IQCH: variants seen among roughly 807,000 people sequenced by gnomAD.
The protein encoded by IQCH is IQ motif containing H.
Under a neutral mutation model 117.0 loss-of-function variants are expected in IQCH, and 98 were observed. The ratio of observed to expected loss-of-function variants is 0.84; its 90% confidence interval spans 0.71 to 0.99. IQCH has a LOEUF of 0.99. Among genes scored for constraint, IQCH ranks in the 50% least tolerant of loss-of-function variants. The probability of loss-of-function intolerance (pLI) is 0.00; values close to 1 mark genes in which losing one functional copy is unlikely to be tolerated. For missense variants in IQCH, 1,102 were observed against 1,243.8 expected (o/e 0.89, Z 1.72); for synonymous variants, 412 against 448.2 (o/e 0.92, Z 1.02).
rs376533486 is a variant in IQCH at position 67,395,561 on chromosome 15, C to G, written c.1903C>G (p.Gln635Glu). Residue 635 changes from glutamine (Q) to glutamate (E), a missense_variant and splice_region_variant, in exon 13 of 21, where the codon CAG becomes GAG. Gln to Glu is a conservative substitution (Grantham distance 29). Coordinates refer to ENST00000335894, the MANE Select transcript of IQCH (RefSeq NM_001031715.3). This position sits in a 1 kb window ranked among gnomAD's most constrained non-coding sequence, Gnocchi z 4.0. ...AATATATGATATTTATAGTCAGCAA[C>G]AGGTATGTGGGGTGGACAAGTGAAG... is the stretch of plus-strand genomic sequence containing the variant. Reference protein sequence around the residue: ...PGIYDIYSQQQMIEQLSQLIT... With the variant: ...PGIYDIYSQQEMIEQLSQLIT... 9.9e-6 allele frequency: 16 copies of G among 1,613,498 alleles called. No individual in the cohort carries two copies. The highest frequency in any genetic ancestry group is 1.3e-5 in the African/African-American group (1 of 74,878).
chr15:67,362,618 TA>T (rs1171385022), intron 8 of IQCH, among the ~76,000 whole-genome samples: 1 of 152,164 alleles, frequency 6.6e-6, no homozygotes, highest in East Asian at 1.9e-4. Context: ...TCTATCTGTA[TA>T]AAAAGGAGAT....
At chr15:67,324,961 C>G (rs978747855) in intron 4 of IQCH, among the ~76,000 whole-genome samples, 2 of 151,880 alleles carry the variant, frequency 1.3e-5, no homozygotes, top group Non-Finnish European at 2.9e-5. Context: ...GTTTTTTTAA[C>G]AAATTGAGCA....
In IQCH at chr15:67,401,515, C is replaced by G. The variant is rs958709051; in HGVS notation, c.2097+1210C>G. ...TGATTTGCGTCTGCTTTGAGCATCC[C>G]GCTACGGAAGTATATGAATCAAGAC... On this transcript the variant is annotated intron_variant, in intron 14 of 20. Transcript: ENST00000335894. This position sits in a 1 kb window ranked among gnomAD's most constrained non-coding sequence, Gnocchi z 4.7. Among the ~76,000 whole-genome samples the G allele has an allele frequency of 1.3e-5, 2 of 151,570 alleles. No individual in the cohort carries two copies. The highest frequency in any genetic ancestry group is 2.1e-4 in the South Asian group (1 of 4,744).
chr15:67,481,023 G>T lies in IQCH; in HGVS notation c.2799+5205G>T, dbSNP rs920601977. ...TGAACTGATTTTAAACCTCAAAAAT[G>T]AGACTTTTAAAAATTGAAGAGGCAT... On this transcript the variant is annotated intron_variant, in intron 18 of 20. Coordinates refer to ENST00000335894, the MANE Select transcript of IQCH (RefSeq NM_001031715.3). This position sits in a 1 kb window ranked among gnomAD's most constrained non-coding sequence, Gnocchi z 4.1. Among the ~76,000 whole-genome samples the T allele has an allele frequency of 3.9e-5, 6 of 152,048 alleles. No homozygotes were observed. Among genetic ancestry groups the T allele is most frequent in the South Asian group, 2.1e-4 (1 of 4,820 alleles).
At chr15:67,446,219 G>A (rs918725584) in intron 16 of IQCH, among the ~76,000 whole-genome samples, 1 of 152,148 alleles carries the variant, frequency 6.6e-6, no homozygotes, top group African/African-American at 2.4e-5. Flanking sequence ...GTTAAAGAAA[G>A]AAATTTGAAG....
chr15:67,421,298 G>C lies in IQCH; in HGVS notation c.2226G>C (p.Val742=), dbSNP rs1352572659. ...CCATGTTTTTCCCACCAGGGGGTGT[G>C]ATCGAAGCATTCCCACCTGCAGACA... ...FLQTFLSQGG[V]IEAFPPADNV... is the part of the protein sequence containing the mutation. The change falls in exon 16 of 21, where the codon GTG becomes GTC. Residue 742 remains valine, a synonymous_variant. Transcript: ENST00000335894. 3 of 1,613,448 alleles carry C rather than the reference G, an allele frequency of 1.9e-6. No homozygotes were observed. The highest frequency in any genetic ancestry group is 2.5e-6 in the Non-Finnish European group (3 of 1,179,650).
intron 4 of IQCH, among the ~76,000 whole-genome samples, chr15:67,333,368 A>AT (rs1273880251): frequency 6.6e-6 from 1 of 152,264 alleles, no homozygotes; most frequent in Non-Finnish European, 1.5e-5. Flanking sequence ...TTGCAGAGGA[A>AT]TCATTTTTAA....
chr15:67,292,111 A>T (rs907596144), intron 4 of IQCH, among the ~76,000 whole-genome samples: 1 of 152,072 alleles, frequency 6.6e-6, no homozygotes, highest in South Asian at 2.1e-4. Flanking sequence ...CCCCTCTTCC[A>T]TGTGCAGACA....
chr15:67,489,524 C>T (rs1237252516), intron 18 of IQCH, among the ~76,000 whole-genome samples: 2 of 8,446 alleles, frequency 2.4e-4, no homozygotes, highest in Admixed American at 9.7e-4. Context: ...CTCCTGGGCT[C>T]ACTGCAACCT....
intron 8 of IQCH, among the ~76,000 whole-genome samples, chr15:67,361,551 C>T (rs996523528): frequency 2.6e-5 from 4 of 152,170 alleles, no homozygotes; most frequent in African/African-American, 9.6e-5. Flanking sequence ...TTCTGCCTAA[C>T]TAATATAATT....
intron 6 of IQCH, among the ~76,000 whole-genome samples, chr15:67,351,057 G>A (rs1346661404): frequency 6.6e-6 from 1 of 152,156 alleles, no homozygotes; most frequent in African/African-American, 2.4e-5. Context: ...TTTGGCTGCT[G>A]TAGAATATTC....
In IQCH at chr15:67,387,399, T is replaced by C. The variant is rs546744910; in HGVS notation, c.1457-1432T>C. ...ATCTCTCCATCATCCCTTCAGTCAG[T>C]CCAGAAGTGTTTATTGAGTGACTCC... On this transcript the variant is annotated intron_variant, in intron 11 of 20. Coordinates refer to ENST00000335894, the MANE Select transcript of IQCH (RefSeq NM_001031715.3). The surrounding 1 kb of genome is among the most constrained non-coding windows in gnomAD (Gnocchi z 4.8). Among the ~76,000 whole-genome samples, 1 of 152,106 alleles carries C rather than the reference T, an allele frequency of 6.6e-6. No homozygotes were observed. Among genetic ancestry groups the C allele is most frequent in the Non-Finnish European group, 1.5e-5 (1 of 68,006 alleles).
At chr15:67,360,271 G>A (rs1970079083) in intron 8 of IQCH, among the ~76,000 whole-genome samples, 1 of 152,134 alleles carries the variant, frequency 6.6e-6, no homozygotes, top group Non-Finnish European at 1.5e-5. Context: ...GTGCTTATAT[G>A]TGTGCATGCA....
chr15:67,331,671 A>T (rs1318760812), intron 4 of IQCH, among the ~76,000 whole-genome samples: 1 of 152,206 alleles, frequency 6.6e-6, no homozygotes, highest in Admixed American at 6.5e-5. Flanking sequence ...AACAGTCCAC[A>T]AGTGAGAAGT....
chr15:67,304,778 C>T lies in IQCH; in HGVS notation c.387+25266C>T, dbSNP rs186103805. On this transcript the variant is annotated intron_variant, in intron 4 of 20. Coordinates refer to ENST00000335894, the MANE Select transcript of IQCH (RefSeq NM_001031715.3). ...TAGAGAAATTTTAAATATTGTATTT[C>T]TTTGATAGTAGGCTTACCACTAGAA... Among the ~76,000 whole-genome samples, 1,058 of 152,096 alleles carry T rather than the reference C, an allele frequency of 7.0e-3. 14 individuals carry two copies. Among genetic ancestry groups the T allele is most frequent in the African/African-American group, 0.024 (1,006 of 41,528 alleles).
intron 4 of IQCH, among the ~76,000 whole-genome samples, chr15:67,311,054 C>T (rs1418850295): frequency 6.6e-6 from 1 of 151,986 alleles, no homozygotes; most frequent in Non-Finnish European, 1.5e-5. Flanking sequence ...AAGTAGGTGC[C>T]ATTTTTATAA....
intron 20 of IQCH, among the ~76,000 whole-genome samples, chr15:67,499,297 C>CAAAAAAAAAAAAAAAAAAAAAAAAAAA (rs59618730): frequency 8.1e-5 from 4 of 49,148 alleles, no homozygotes; most frequent in African/African-American, 3.3e-4. Flanking sequence ...AGACCTGTCC[C>CAAAAAAAAAAAAAAAAAAAAAAAAAAA]AAAAAAAAAA....
rs1348817055 is a variant in IQCH, at chr15:67,336,965, T to A, written c.388-10T>A. ...AAAATGTTTGCTGAAACAAATTTTTTATTATCTAGATAAAGGTTTCGAAGT... is the reference window on the plus strand; with the variant it reads ...AAAATGTTTGCTGAAACAAATTTTTAATTATCTAGATAAAGGTTTCGAAGT... On this transcript the variant is annotated splice_polypyrimidine_tract_variant and intron_variant, in intron 4 of 20. Coordinates refer to ENST00000335894, the MANE Select transcript of IQCH (RefSeq NM_001031715.3). 1 of 1,611,790 alleles carries A rather than the reference T, an allele frequency of 6.2e-7. No individual in the cohort carries two copies. The highest frequency in any genetic ancestry group is 8.5e-7 in the Non-Finnish European group (1 of 1,179,164).
At chr15:67,350,018 GT>G (rs1969585588) in intron 6 of IQCH, among the ~76,000 whole-genome samples, 1 of 152,154 alleles carries the variant, frequency 6.6e-6, no homozygotes, top group Non-Finnish European at 1.5e-5. Flanking sequence ...CTCACTCCTA[GT>G]TATCTATTTA....
Sources: gnomAD v4.1 joint callset for allele counts (sites outside exome capture counted in the v4.1 genomes callset) on GRCh38, gnomAD v4.1.1 for gene constraint, Gnocchi (gnomAD v3.1) non-coding constraint, MANE v1.5 for transcripts, NCBI Gene and HGNC (gene_info 2026-07-23, HGNC 2026-07-21) for gene names.